Variants in AGBL1 observed in about 807,000 individuals in gnomAD.
AGBL1 encodes the protein cytosolic carboxypeptidase 4.
In AGBL1, 130 loss-of-function variants were observed where a neutral mutation model predicts 118.9. That is an observed-to-expected ratio of 1.09 (90% confidence interval 0.95 to 1.26). The LOEUF is 1.26. Ranked by LOEUF, AGBL1 falls within the 50% of genes most tolerant of loss-of-function variation. The pLI, the probability that AGBL1 is intolerant of heterozygous loss-of-function variation, is 0.00. For synonymous variants in AGBL1, 555 were observed against 478.9 expected (o/e 1.16, Z -2.08); for missense variants, 1,584 against 1,298.1 (o/e 1.22, Z -3.38).
chr15:86,812,462 A>C (rs1220755470), intron 22 of AGBL1, among the ~76,000 whole-genome samples: 1 of 152,252 alleles, frequency 6.6e-6, no homozygotes. Flanking sequence ...TCTTAAATTA[A>C]AATGAAACAA....
chr15:86,622,838 C>CA (rs1419297761), intron 21 of AGBL1, among the ~76,000 whole-genome samples: 3 of 152,148 alleles, frequency 2.0e-5, no homozygotes, highest in African/African-American at 7.2e-5. Context: ...AACAATTATA[C>CA]AACTCACCAT....
chr15:86,833,966 A>G (rs1308765518), intron 22 of AGBL1, among the ~76,000 whole-genome samples: 1 of 152,152 alleles, frequency 6.6e-6, no homozygotes, highest in African/African-American at 2.4e-5. Context: ...GCCAGGGGAC[A>G]CATTTAGTTT....
chr15:87,015,558 C>G (rs1028360311), intron 24 of AGBL1, among the ~76,000 whole-genome samples: 7 of 152,174 alleles, frequency 4.6e-5, no homozygotes, highest in African/African-American at 1.7e-4. Flanking sequence ...TGAGTGCCTT[C>G]TGTGCTAGGA....
chr15:86,504,437 T>C (rs569031043), intron 18 of AGBL1, among the ~76,000 whole-genome samples: 20 of 151,768 alleles, frequency 1.3e-4, no homozygotes, highest in African/African-American at 4.8e-4. Context: ...AAAGGTTTTA[T>C]GTATGTCATT....
intron 24 of AGBL1, among the ~76,000 whole-genome samples, chr15:86,989,224 C>A (rs2081313975): frequency 6.6e-6 from 1 of 152,038 alleles, no homozygotes; most frequent in South Asian, 2.1e-4. Flanking sequence ...TGGTCTCCAG[C>A]TTTGGACCTC....
At chr15:86,422,149 T>C (rs2081800122) in intron 18 of AGBL1, among the ~76,000 whole-genome samples, 1 of 152,196 alleles carries the variant, frequency 6.6e-6, no homozygotes, top group African/African-American at 2.4e-5. Context: ...TATACATTCT[T>C]CTCAGCACTG....
In AGBL1 at chr15:86,984,914, C is replaced by G. The variant is rs575320773; in HGVS notation, c.3222-3073C>G. On this transcript the variant is annotated intron_variant, in intron 23 of 24. Coordinates refer to the AGBL1 transcript ENST00000441037. ...GCCTCCACTCCTGGCTGGTCACAGA[C>G]AACCGATGATCTGCCTTCTGTCAAA... Among the ~76,000 whole-genome samples, 4 of 152,302 alleles carry G rather than the reference C, an allele frequency of 2.6e-5. No individual in the cohort carries two copies. In the South Asian group the frequency reaches 8.3e-4, roughly 32 times the overall value.
At chr15:86,112,677 T>C (rs1897468253) in intron 1 of AGBL1, among the ~76,000 whole-genome samples, 1 of 152,190 alleles carries the variant, frequency 6.6e-6, no homozygotes, top group African/African-American at 2.4e-5. Context: ...AAATCGCCAA[T>C]CCAGGAAAGA....
At chr15:86,186,573 C>T (rs896065122) in intron 5 of AGBL1, among the ~76,000 whole-genome samples, 1 of 152,144 alleles carries the variant, frequency 6.6e-6, no homozygotes, top group African/African-American at 2.4e-5. Flanking sequence ...CTGCTGCAGG[C>T]CTGTCAAAAT....
chr15:86,161,848 G>A (rs7173695), intron 5 of AGBL1, among the ~76,000 whole-genome samples: 1 of 152,272 alleles, frequency 6.6e-6, no homozygotes, highest in East Asian at 1.9e-4. Context: ...ATTCCTTGGC[G>A]AGTCATTTAA....
At chr15:86,606,171 C>T (rs1007548158) in intron 21 of AGBL1, among the ~76,000 whole-genome samples, 18 of 142,256 alleles carry the variant, frequency 1.3e-4, no homozygotes, top group Admixed American at 2.8e-4. Flanking sequence ...GTCTGAGTGA[C>T]AAAGTGTTCT....
intron 5 of AGBL1, among the ~76,000 whole-genome samples, chr15:86,162,300 G>A (rs1169453230): frequency 6.6e-6 from 1 of 152,108 alleles, no homozygotes; most frequent in Non-Finnish European, 1.5e-5. Flanking sequence ...GCCTTTGTAG[G>A]AGCAGATGCC....
At chr15:86,110,765 C>T (rs1897329930) in intron 1 of AGBL1, among the ~76,000 whole-genome samples, 1 of 152,156 alleles carries the variant, frequency 6.6e-6, no homozygotes, top group South Asian at 2.1e-4. Context: ...CTGATACCCA[C>T]AACAATGGTT....
chr15:86,684,521 A>G (rs973374269), intron 22 of AGBL1, among the ~76,000 whole-genome samples: 5 of 147,698 alleles, frequency 3.4e-5, no homozygotes, highest in Non-Finnish European at 7.4e-5. Flanking sequence ...GGATCTCACT[A>G]TGTTGCCCAG....
At chr15:86,761,562 A>T (rs569528321) in intron 22 of AGBL1, among the ~76,000 whole-genome samples, 7 of 152,216 alleles carry the variant, frequency 4.6e-5, no homozygotes, top group African/African-American at 1.7e-4. Context: ...TTCAGTTAGA[A>T]GCAGAAGAAG....
chr15:86,162,961 C>T (rs2077288086), intron 5 of AGBL1, among the ~76,000 whole-genome samples: 1 of 152,198 alleles, frequency 6.6e-6, no homozygotes, highest in Non-Finnish European at 1.5e-5. Context: ...CTCAAACATC[C>T]TCCAGAGATT....
intron 18 of AGBL1, among the ~76,000 whole-genome samples, chr15:86,408,275 G>A (rs1204811314): frequency 2.0e-5 from 3 of 152,140 alleles, no homozygotes; most frequent in Non-Finnish European, 2.9e-5. Context: ...ATGACAAGAT[G>A]GGGGAGTAAA....
chr15:86,377,514 G>A lies in AGBL1; in HGVS notation c.2375-19852G>A, dbSNP rs567851199. Among the ~76,000 whole-genome samples the A allele has an allele frequency of 6.6e-4, 101 of 152,170 alleles. 2 individuals carry two copies. In the South Asian group the frequency reaches 0.019, roughly 29 times the overall value. Reference sequence around the variant, plus strand: ...CTAAAATGAGAGCACAATTTTTCCTGGTCAGTGCTAACAAGTCCTGTTTTT... The same window carrying A: ...CTAAAATGAGAGCACAATTTTTCCTAGTCAGTGCTAACAAGTCCTGTTTTT... On this transcript the variant is annotated intron_variant, in intron 17 of 22. Transcript: ENST00000614907.
intron 22 of AGBL1, among the ~76,000 whole-genome samples, chr15:86,896,482 T>A (rs983603902): frequency 1.3e-5 from 2 of 152,176 alleles, no homozygotes; most frequent in Admixed American, 6.5e-5. Context: ...TTACATGGTT[T>A]GTGATTCACA....
Sources: gnomAD v4.1 joint callset for allele counts (sites outside exome capture counted in the v4.1 genomes callset) on GRCh38, gnomAD v4.1.1 for gene constraint, MANE v1.5 for transcripts, NCBI Gene and HGNC (gene_info 2026-07-23, HGNC 2026-07-21) for gene names.